The following SPATA1 variants were observed in gnomAD, a reference collection of about 807,000 sequenced individuals.
SPATA1 encodes the protein spermatogenesis-associated protein 1.
SPATA1 carries 57 observed loss-of-function variants against 59.6 expected under a neutral mutation model. The observed-to-expected ratio is 0.96, with a 90% confidence interval of 0.77 to 1.19. The LOEUF (loss-of-function observed/expected upper bound fraction) is 1.19. SPATA1 is among the 50% of genes most tolerant of loss of function. SPATA1 has a pLI of 0.00. For synonymous variants in SPATA1, 147 were observed against 163.9 expected, an observed-to-expected ratio of 0.90 and a Z score of 0.79; for missense variants, 448 against 480.7, an observed-to-expected ratio of 0.93 and a Z score of 0.64.
At chr1:84,554,832 A>C, downstream of SPATA1, 1 of 575,272 alleles carries the variant, frequency 1.7e-6, no homozygotes, top group Non-Finnish European at 3.0e-6. Flanking sequence ...CTGGATACTG[A>C]GGACATTCGT....
At chr1:84,541,360 T>C (rs1683893696) in intron 8 of SPATA1, among the ~76,000 whole-genome samples, 1 of 152,206 alleles carries the variant, frequency 6.6e-6, no homozygotes, top group Non-Finnish European at 1.5e-5. Context: ...TTATCTTAGA[T>C]CTTCTTTACC....
rs1228857429 is a variant in SPATA1, at chr1:84,532,859, G to T, written c.545-1G>T. ...TTGCTGTGGATGACCATCAACATCAGCTGGGGGAAAAGCCACTGCAGAAAA... is the reference window on the plus strand; with the variant it reads ...TTGCTGTGGATGACCATCAACATCATCTGGGGGAAAAGCCACTGCAGAAAA... On this transcript the variant is annotated splice_acceptor_variant, in intron 6 of 12. Transcript: ENST00000490879. LOFTEE classifies it high-confidence loss of function. 2 of 1,548,028 alleles carry T rather than the reference G, an allele frequency of 1.3e-6. No individual in the cohort carries two copies. Among genetic ancestry groups the T allele is most frequent in the Non-Finnish European group, 1.7e-6 (2 of 1,143,882 alleles).
At chr1:84,556,479 G>A (rs1280097135), downstream of SPATA1, among the ~76,000 whole-genome samples, 1 of 151,982 alleles carries the variant, frequency 6.6e-6, no homozygotes, top group Non-Finnish European at 1.5e-5. Flanking sequence ...TTGGGAGGCC[G>A]AGGCAGGCAG....
chr1:84,525,631 G>C, intron 4 of SPATA1, 65 bp from the exon 5 acceptor site: 1 of 1,390,140 alleles, frequency 7.2e-7, no homozygotes. Flanking sequence ...AAAAAAAGTA[G>C]AGGTAAAAAT....
chr1:84,559,615 C>T lies in SPATA1; in HGVS notation n.442+3636C>T, dbSNP rs1441766713. Among the ~76,000 whole-genome samples the T allele has an allele frequency of 2.6e-5, 4 of 151,876 alleles. 1 individual carries two copies. Among genetic ancestry groups the T allele is most frequent in the Middle Eastern group, 6.4e-3 (2 of 312 alleles). On this transcript the variant is annotated intron_variant and non_coding_transcript_variant, in intron 4 of 4. Coordinates refer to the SPATA1 transcript ENST00000460286. ...CCAGCCTGGGTGACGGAGCGATACT[C>T]CATCTCAGAAAAAAAAGACTTAATA...
At chr1:84,525,578 T>C (rs961594825) in intron 4 of SPATA1, 118 bp from the exon 5 acceptor site, 4 of 754,024 alleles carry the variant, frequency 5.3e-6, no homozygotes, top group African/African-American at 3.6e-5. Context: ...GCCATAGCTT[T>C]TAAATTTGAT....
chr1:84,533,728 G>A (rs866197226), exon 8 of SPATA1: 2 of 1,565,786 alleles, frequency 1.3e-6, no homozygotes, highest in Admixed American at 1.9e-5. Flanking sequence ...TTGGGAAAAT[G>A]AAGATGATAC....
chr1:84,536,243 A>G (rs1446872538), intron 8 of SPATA1, among the ~76,000 whole-genome samples: 1 of 152,246 alleles, frequency 6.6e-6, no homozygotes, highest in Non-Finnish European at 1.5e-5. Context: ...TACACTTATC[A>G]GAGATTCTGG....
chr1:84,525,792 A>G, intron 5 of SPATA1, 43 bp downstream of exon 5: 1 of 1,605,544 alleles, frequency 6.2e-7, no homozygotes, highest in African/African-American at 1.3e-5. Context: ...TTTTTAACTT[A>G]GAGCACTGCT....
chr1:84,542,561 G>A (rs894789600), intron 8 of SPATA1, among the ~76,000 whole-genome samples: 23 of 151,744 alleles, frequency 1.5e-4, no homozygotes, highest in Non-Finnish European at 2.8e-4. Context: ...AGGCTAACTC[G>A]TGATTGGTGT....
intron 6 of SPATA1, among the ~76,000 whole-genome samples, chr1:84,528,639 T>A (rs1044299568): frequency 3.9e-5 from 6 of 152,354 alleles, no homozygotes; most frequent in Admixed American, 1.3e-4. Context: ...ATTTGGTTTG[T>A]TTGCAGCTTG....
intron 4 of SPATA1, among the ~76,000 whole-genome samples, chr1:84,561,115 T>TA (rs1026257140): frequency 6.6e-6 from 1 of 152,216 alleles, no homozygotes; most frequent in African/African-American, 2.4e-5. Context: ...CTGGCCAAAG[T>TA]AAACTGAAAG....
At chr1:84,564,691 T>C (rs1374744880) in intron 4 of SPATA1, among the ~76,000 whole-genome samples, 1 of 152,150 alleles carries the variant, frequency 6.6e-6, no homozygotes, top group Non-Finnish European at 1.5e-5. Context: ...AAACACAGTT[T>C]GGGAACCCTC....
At chr1:84,538,966 A>G (rs561051482) in intron 8 of SPATA1, among the ~76,000 whole-genome samples, 1 of 114,400 alleles carries the variant, frequency 8.7e-6, no homozygotes, top group East Asian at 2.1e-4. Flanking sequence ...CACCCAGGTA[A>G]TTTTTGTATT....
exon 5 of SPATA1, chr1:84,565,888 G>T: frequency 6.3e-7 from 1 of 1,588,960 alleles, no homozygotes; most frequent in South Asian, 1.2e-5. Flanking sequence ...AATACATTCT[G>T]ACCAGATCTG....
chr1:84,560,111 AAGAAAG>A (rs1306365437), intron 4 of SPATA1, among the ~76,000 whole-genome samples: 1 of 148,336 alleles, frequency 6.7e-6, no homozygotes, highest in Non-Finnish European at 1.5e-5. Context: ...GAAAGAAAGA[AAGAAAG>A]AAAGAAAGAA....
At chr1:84,557,133 A>C (rs1186163726), downstream of SPATA1, among the ~76,000 whole-genome samples, 1 of 152,254 alleles carries the variant, frequency 6.6e-6, no homozygotes, top group African/African-American at 2.4e-5. Context: ...GCTTTCCAGA[A>C]TATTGAGTCC....
chr1:84,529,580 T>TC (rs1313083039), intron 6 of SPATA1, among the ~76,000 whole-genome samples: 1 of 138,892 alleles, frequency 7.2e-6, no homozygotes, highest in East Asian at 2.0e-4. Flanking sequence ...ATATGCCTTT[T>TC]TTTTTTTTTT....
chr1:84,553,242 C>A, exon 13 of SPATA1: 1 of 595,160 alleles, frequency 1.7e-6, no homozygotes, highest in Non-Finnish European at 2.8e-6. Context: ...TCTCTTTCTC[C>A]ACTTTCCATG....
Sources: allele counts gnomAD v4.1 joint callset (sites outside exome capture counted in the v4.1 genomes callset), GRCh38; gene constraint gnomAD v4.1.1; transcripts MANE v1.5; gene names NCBI Gene and HGNC (gene_info 2026-07-23, HGNC 2026-07-21).